The following NSMCE4A variants were observed in gnomAD, a reference collection of about 807,000 sequenced individuals.
NSMCE4A encodes non-structural maintenance of chromosomes element 4 homolog A.
NSMCE4A carries 40 observed loss-of-function variants against 47.9 expected under a neutral mutation model. The ratio of observed to expected loss-of-function variants is 0.83; its 90% CI spans 0.65 to 1.09. The LOEUF (loss-of-function observed/expected upper bound fraction) is 1.09, where lower values mean the gene tolerates loss of function less well. Ranked by LOEUF, NSMCE4A falls within the 50% of genes least tolerant of loss-of-function variation. The probability of loss-of-function intolerance (pLI) is 0.00; values close to 1 mark genes in which losing one functional copy is unlikely to be tolerated. For missense variants in NSMCE4A, 500 were observed against 507.0 expected (o/e 0.99, Z 0.13); for synonymous variants, 166 against 178.5 (o/e 0.93, Z 0.56).
chr10:121,958,489 A>C (rs1952439377), intron 10 of NSMCE4A, among the ~76,000 whole-genome samples: 1 of 152,254 alleles, frequency 6.6e-6, no homozygotes, highest in Non-Finnish European at 1.5e-5. Flanking sequence ...GATTATTCTA[A>C]GGTAATTCTA....
At chr10:121,969,904 C>T (rs543729408) in intron 3 of NSMCE4A, among the ~76,000 whole-genome samples, 2 of 152,090 alleles carry the variant, frequency 1.3e-5, no homozygotes, top group East Asian at 2.0e-4. Context: ...TTAGTAGAGA[C>T]GGGCTTTCAC....
At chr10:121,959,659 C>G (rs1014681713) in intron 8 of NSMCE4A, 64 bp from the exon 9 acceptor site, 1 of 1,062,186 alleles carries the variant, frequency 9.4e-7, no homozygotes, top group Non-Finnish European at 1.5e-6. Flanking sequence ...GTAATCTAAA[C>G]GGAAACTGAT....
chr10:121,964,894 A>T (rs1261595395), intron 5 of NSMCE4A, among the ~76,000 whole-genome samples: 1 of 152,208 alleles, frequency 6.6e-6, no homozygotes, highest in Non-Finnish European at 1.5e-5. Flanking sequence ...CCCAGGGAAC[A>T]TTTGTTGTCA....
intron 10 of NSMCE4A, 113 bp downstream of exon 10, chr10:121,959,211 G>T: frequency 1.2e-6 from 1 of 801,620 alleles, no homozygotes. Flanking sequence ...TCTAAGAATG[G>T]GGCACTACAG....
At position 121,975,076 on chromosome 10, in the gene NSMCE4A, CGAGCGG is replaced by C. The variant is rs573706496; in HGVS notation, c.84_89del (p.Arg31_Ser32del). The C allele has an allele frequency of 1.7e-4, 252 of 1,445,844 alleles. 2 individuals are homozygous for C. The highest frequency in any genetic ancestry group is 1.0e-3 in the East Asian group (34 of 33,200). 89.6% of individuals were successfully genotyped at this position (1,445,844 alleles called of 1,614,324 possible). ...GGGACCTGGGCGACAAAGGGGACCG[CGAGCGG>C]GAGCGGGAGCGGGTGCGATCCCGAT... On this transcript the variant is annotated inframe_deletion, in exon 1 of 11. Transcript: ENST00000369023.
In NSMCE4A at chr10:121,973,986, T is replaced by C. The variant is rs961538918; in HGVS notation, c.370+18A>G. The C allele has an allele frequency of 3.1e-5, 47 of 1,513,690 alleles. No individual in the cohort carries two copies. Among genetic ancestry groups the C allele is most frequent in the Non-Finnish European group, 3.9e-5 (43 of 1,106,506 alleles). The allele number at this position is 1,513,690 out of a possible 1,614,324, so 93.8% of individuals were successfully genotyped here. On this transcript the variant is annotated intron_variant, in intron 2 of 10. Transcript: ENST00000369023. ...AAGTATCATAAAACACGAAATAACA[T>C]ATAAAATAACAAATTACCTTCATTA...
At chr10:121,969,991 C>T (rs551765871) in intron 3 of NSMCE4A, among the ~76,000 whole-genome samples, 3 of 152,090 alleles carry the variant, frequency 2.0e-5, no homozygotes. Context: ...GCTGGGATTA[C>T]AGGCGTGAGC....
chr10:121,975,173 A>G lies in NSMCE4A; in HGVS notation c.-8T>C. ...GCTGCTGTCCCCAGACATAGCGCCA[A>G]TTCACCGTGCAACTTCGGAACGGCG... On this transcript the variant is annotated 5_prime_UTR_variant, in exon 1 of 11. Coordinates refer to ENST00000369023, the MANE Select transcript of NSMCE4A (RefSeq NM_017615.3). 2 of 1,370,738 alleles carry G rather than the reference A, an allele frequency of 1.5e-6. No homozygotes were observed. The highest frequency in any genetic ancestry group is 1.9e-6 in the Non-Finnish European group (2 of 1,069,614). 84.9% of individuals were successfully genotyped at this position (1,370,738 alleles called of 1,614,324 possible). A position where few individuals can be genotyped will look rare whatever the true frequency, so the allele number is the denominator to read the frequency against.
At chr10:121,971,342 C>T (rs1316216273) in intron 2 of NSMCE4A, among the ~76,000 whole-genome samples, 3 of 152,040 alleles carry the variant, frequency 2.0e-5, no homozygotes, top group Admixed American at 6.6e-5. Flanking sequence ...AACCCCAGCT[C>T]TACTAAAAAT....
chr10:121,958,182 C>T (rs879890012), intron 10 of NSMCE4A, among the ~76,000 whole-genome samples: 7 of 152,150 alleles, frequency 4.6e-5, no homozygotes, highest in East Asian at 1.9e-4. Context: ...GAACTGAGAT[C>T]GTGCCACTGC....
At position 121,974,959 on chromosome 10, in the gene NSMCE4A, G is replaced by A. The variant is rs775948121; in HGVS notation, c.207C>T (p.Asp69=). ...CGGCCTCCGCCTCCAAGCTGGCCGGGTCCATCATCTCGTCCCCGGAATCCG... is the reference window on the plus strand; with the variant it reads ...CGGCCTCCGCCTCCAAGCTGGCCGGATCCATCATCTCGTCCCCGGAATCCG... ...EPSDSGDEMM[D]PASLEAEADQ... is the part of the protein sequence containing the mutation. The change falls in exon 1 of 11, where the codon GAC becomes GAT. Residue 69 remains aspartate, a synonymous_variant. Coordinates refer to ENST00000369023, the MANE Select transcript of NSMCE4A (RefSeq NM_017615.3). 4.6e-5 allele frequency: 71 copies of A among 1,532,224 alleles called. No homozygotes were observed. The highest frequency in any genetic ancestry group is 6.0e-5 in the Non-Finnish European group (69 of 1,141,880). 94.9% of individuals were successfully genotyped at this position (1,532,224 alleles called of 1,614,324 possible).
chr10:121,964,811 A>G (rs909467601), intron 5 of NSMCE4A, among the ~76,000 whole-genome samples: 9 of 152,384 alleles, frequency 5.9e-5, no homozygotes, highest in Non-Finnish European at 7.3e-5. Flanking sequence ...CAGGTTGAAC[A>G]TAAAATAGCA....
chr10:121,962,290 G>A (rs760058287), intron 6 of NSMCE4A, among the ~76,000 whole-genome samples: 1 of 151,564 alleles, frequency 6.6e-6, no homozygotes, highest in Non-Finnish European at 1.5e-5. Context: ...GTGGTGGCGG[G>A]TGCCTGTAGT....
intron 2 of NSMCE4A, among the ~76,000 whole-genome samples, chr10:121,972,489 A>G (rs911908190): frequency 2.0e-5 from 3 of 152,060 alleles, no homozygotes; most frequent in Admixed American, 6.6e-5. Context: ...AACTGAGACC[A>G]TCAAATCCAT....
chr10:121,971,248 A>C (rs532733441), intron 2 of NSMCE4A, among the ~76,000 whole-genome samples, 179 bp from the exon 3 acceptor site: 82 of 151,996 alleles, frequency 5.4e-4, no homozygotes, highest in South Asian at 3.5e-3. Context: ...CGGTGGCTCA[A>C]GCCTGTAATC....
intron 4 of NSMCE4A, 31 bp downstream of exon 4, chr10:121,967,624 C>G: frequency 6.3e-7 from 1 of 1,596,142 alleles, no homozygotes; most frequent in Non-Finnish European, 8.5e-7. Context: ...TCACAAATAA[C>G]TGGTCTGTTG....
intron 5 of NSMCE4A, among the ~76,000 whole-genome samples, chr10:121,964,907 T>C (rs1050849690): frequency 2.6e-5 from 4 of 152,202 alleles, no homozygotes; most frequent in Admixed American, 6.5e-5. Flanking sequence ...TGTTGTCACA[T>C]GTAGACATTT....
chr10:121,962,271 T>C (rs1174321556), intron 6 of NSMCE4A, among the ~76,000 whole-genome samples: 2 of 149,564 alleles, frequency 1.3e-5, no homozygotes, highest in Non-Finnish European at 3.0e-5. Context: ...ACAAAAGAAT[T>C]AGCCAGGCGT....
chr10:121,967,866 C>G, intron 3 of NSMCE4A, 60 bp from the exon 4 acceptor site: 1 of 1,546,828 alleles, frequency 6.5e-7, no homozygotes, highest in African/African-American at 1.4e-5. Context: ...TTTTCCACAT[C>G]CAATAATCCG....
Sources: allele counts gnomAD v4.1 joint callset (sites outside exome capture counted in the v4.1 genomes callset), GRCh38; gene constraint gnomAD v4.1.1; transcripts MANE v1.5; gene names NCBI Gene and HGNC (gene_info 2026-07-23, HGNC 2026-07-21).